The following TRERF1 variants were observed in gnomAD, a reference collection of about 807,000 sequenced individuals.
The protein encoded by TRERF1 is transcriptional regulating factor 1.
Under a neutral mutation model 122.9 loss-of-function variants are expected in TRERF1, and 27 were observed. The observed-to-expected ratio is 0.22, with a 90% CI of 0.16 to 0.30. The LOEUF (loss-of-function observed/expected upper bound fraction) is 0.30, where lower values mean the gene tolerates loss of function less well. Among genes scored for constraint, TRERF1 ranks in the 10% least tolerant of loss-of-function variants. TRERF1 has a pLI of 1.00. For missense variants in TRERF1, 1,248 were observed against 1,560.3 expected, an observed-to-expected ratio of 0.80 and a Z score of 3.37; for synonymous variants, 636 against 641.7, an observed-to-expected ratio of 0.99 and a Z score of 0.13.
chr6:42,379,381 C>A (rs1445193274), intron 2 of TRERF1, among the ~76,000 whole-genome samples: 4 of 152,098 alleles, frequency 2.6e-5, no homozygotes, highest in Admixed American at 1.3e-4. Flanking sequence ...ATAGAGGAGA[C>A]TAACCAAATC....
intron 4 of TRERF1, among the ~76,000 whole-genome samples, chr6:42,298,521 T>C (rs1785487958): frequency 6.7e-6 from 1 of 150,210 alleles, no homozygotes; most frequent in African/African-American, 2.5e-5. Context: ...AAACGTAAAA[T>C]AGGTTGAGGG....
chr6:42,291,073 T>C (rs1282900442), intron 4 of TRERF1, among the ~76,000 whole-genome samples: 3 of 152,216 alleles, frequency 2.0e-5, no homozygotes, highest in African/African-American at 4.8e-5. Context: ...AATGGACATA[T>C]ACTATTTTGT....
chr6:42,344,871 G>A (rs888049289), intron 3 of TRERF1, among the ~76,000 whole-genome samples: 3 of 152,052 alleles, frequency 2.0e-5, no homozygotes, highest in African/African-American at 7.3e-5. Context: ...GTACTTATTT[G>A]TTACTGCATG....
chr6:42,430,977 T>C (rs1470521353), intron 2 of TRERF1, among the ~76,000 whole-genome samples: 1 of 150,280 alleles, frequency 6.7e-6, no homozygotes, highest in East Asian at 2.0e-4. Flanking sequence ...GGAGAATGGC[T>C]TGAACCTGGG....
At chr6:42,229,587 A>G (rs1349339188) in intron 17 of TRERF1, among the ~76,000 whole-genome samples, 1 of 152,152 alleles carries the variant, frequency 6.6e-6, no homozygotes, top group Non-Finnish European at 1.5e-5. Context: ...GGCCAAATTC[A>G]GTGGCCCCTG....
At chr6:42,337,780 T>G (rs1431671627) in intron 3 of TRERF1, among the ~76,000 whole-genome samples, 2 of 152,180 alleles carry the variant, frequency 1.3e-5, no homozygotes, top group African/African-American at 4.8e-5. Flanking sequence ...GTTCTCAACC[T>G]TGGCATATGA....
intron 13 of TRERF1, among the ~76,000 whole-genome samples, chr6:42,251,104 C>A (rs1444688682): frequency 2.7e-5 from 4 of 146,884 alleles, no homozygotes; most frequent in Admixed American, 7.0e-5. Context: ...TCAGGCAACT[C>A]TCTTGCTCAT....
intron 3 of TRERF1, among the ~76,000 whole-genome samples, chr6:42,302,213 A>G (rs1048685396): frequency 6.6e-6 from 1 of 152,342 alleles, no homozygotes; most frequent in African/African-American, 2.4e-5. Flanking sequence ...GGCTGCTGGT[A>G]TGCATTCCTA....
rs1777477529 is a variant in TRERF1, at chr6:42,259,704, T to C, written c.1904A>G (p.Gln635Arg). The C allele has an allele frequency of 6.2e-7, 1 of 1,603,570 alleles. No individual in the cohort carries two copies. Among genetic ancestry groups the C allele is most frequent in the East Asian group, 2.2e-5 (1 of 44,846 alleles). Residue 635 changes from glutamine (Q) to arginine (R), a missense_variant, in exon 9 of 18, where the codon CAG becomes CGG. Physicochemically the swap from Gln to Arg is conservative, Grantham distance 43. Transcript: ENST00000372922. This position sits in a 1 kb window ranked among gnomAD's most constrained non-coding sequence, Gnocchi z 4.9. ...CTCCTCGGCTTTGGGCACACTCGGC[T>C]GATGCTTCCTGGGGATTTCCTAAAA...
chr6:42,263,401 C>G lies in TRERF1; in HGVS notation c.1803G>C (p.Gly601=). The change falls in exon 8 of 18, where the codon GGG becomes GGC. Residue 601 remains glycine (G), a synonymous_variant. Coordinates refer to ENST00000372922, the Ensembl canonical transcript of TRERF1. The surrounding 1 kb of genome is among the most constrained non-coding windows in gnomAD (Gnocchi z 5.6). ...GGGCGGCAACGGTGCTGTTGGTGAA[C>G]CCCTGAGAGCTGGGCTTGGGCGGGA... 1.9e-6 allele frequency: 3 copies of G among 1,612,358 alleles called. No individual in the cohort carries two copies. Among genetic ancestry groups the G allele is most frequent in the Non-Finnish European group, 2.5e-6 (3 of 1,179,322 alleles).
chr6:42,296,810 G>T (rs1785185525), intron 4 of TRERF1, among the ~76,000 whole-genome samples: 1 of 152,164 alleles, frequency 6.6e-6, no homozygotes, highest in African/African-American at 2.4e-5. Context: ...TGGATGAGAA[G>T]CCCACGGGAT....
intron 13 of TRERF1, among the ~76,000 whole-genome samples, chr6:42,250,992 CTTTT>C (rs70987586): frequency 1.0e-5 from 1 of 97,594 alleles, no homozygotes; most frequent in Non-Finnish European, 2.0e-5. Context: ...TCTTTTGCTT[CTTTT>C]TTTTTTTTTT....
At chr6:42,435,137 A>AG (rs971442323) in intron 2 of TRERF1, among the ~76,000 whole-genome samples, 23 of 151,716 alleles carry the variant, frequency 1.5e-4, no homozygotes, top group African/African-American at 4.6e-4. Context: ...GTCTCAAAAA[A>AG]AAAAGAAAGA....
intron 4 of TRERF1, among the ~76,000 whole-genome samples, chr6:42,293,381 C>T (rs1240639813): frequency 6.6e-6 from 1 of 152,190 alleles, no homozygotes; most frequent in Non-Finnish European, 1.5e-5. Flanking sequence ...ACCAAAGGCG[C>T]CCGGTCCCAG....
chr6:42,397,782 G>C (rs61200585), intron 2 of TRERF1, among the ~76,000 whole-genome samples: 13,003 of 152,194 alleles, frequency 0.085, 809 homozygotes, highest in African/African-American at 0.17. Flanking sequence ...GCAGGTCATA[G>C]GTCAGAAGAT....
At chr6:42,369,480 T>C (rs565245741) in intron 2 of TRERF1, among the ~76,000 whole-genome samples, 2 of 151,692 alleles carry the variant, frequency 1.3e-5, no homozygotes, top group East Asian at 3.9e-4. Context: ...AACTGAGGAG[T>C]CCAAAACTGC....
chr6:42,399,558 T>C (rs1369743207), intron 2 of TRERF1, among the ~76,000 whole-genome samples: 1 of 152,070 alleles, frequency 6.6e-6, no homozygotes, highest in Non-Finnish European at 1.5e-5. Context: ...AGCGCTGGGG[T>C]CCCTGGCCAA....
At chr6:42,379,111 G>C (rs1183232481) in intron 2 of TRERF1, among the ~76,000 whole-genome samples, 1 of 151,978 alleles carries the variant, frequency 6.6e-6, no homozygotes, top group Admixed American at 6.6e-5. Flanking sequence ...CAGAGTGAGG[G>C]CTTGTCTCAA....
At chr6:42,353,604 A>G (rs1453345030) in intron 3 of TRERF1, among the ~76,000 whole-genome samples, 6 of 151,880 alleles carry the variant, frequency 4.0e-5, no homozygotes, top group African/African-American at 1.5e-4. Context: ...ACAAAAACAA[A>G]CAAACGAAAA....
Sources: allele counts gnomAD v4.1 joint callset (sites outside exome capture counted in the v4.1 genomes callset), GRCh38; gene constraint gnomAD v4.1.1; non-coding constraint Gnocchi (gnomAD v3.1); transcripts MANE v1.5; gene names NCBI Gene and HGNC (gene_info 2026-07-23, HGNC 2026-07-21).